The following NELL1 variants were observed in gnomAD, a reference collection of about 807,000 sequenced individuals.
NELL1 encodes protein kinase C-binding protein NELL1.
NELL1 carries 76 observed loss-of-function variants against 107.4 expected under a neutral mutation model. The observed-to-expected ratio is 0.71, with a 90% CI of 0.59 to 0.86. The LOEUF (loss-of-function observed/expected upper bound fraction) is 0.86. NELL1 is among the 40% of genes least tolerant of loss of function. NELL1 has a pLI of 0.00. For missense variants in NELL1, 1,024 were observed against 1,005.5 expected (o/e 1.02, Z -0.25); for synonymous variants, 353 against 341.2 (o/e 1.03, Z -0.38).
chr11:20,993,329 A>G (rs1242659397), intron 12 of NELL1, among the ~76,000 whole-genome samples: 2 of 152,188 alleles, frequency 1.3e-5, no homozygotes, highest in East Asian at 1.9e-4. Context: ...TACTATAACT[A>G]GTTTATCACT....
chr11:20,701,648 C>T (rs892216343), intron 2 of NELL1, among the ~76,000 whole-genome samples: 12 of 152,220 alleles, frequency 7.9e-5, no homozygotes, highest in South Asian at 2.1e-4. Flanking sequence ...TTAGGTCTAA[C>T]ATTTAAGTCT....
At chr11:21,265,838 G>A (rs1171491276) in intron 14 of NELL1, among the ~76,000 whole-genome samples, 1 of 151,940 alleles carries the variant, frequency 6.6e-6, no homozygotes, top group African/African-American at 2.4e-5. Context: ...TTTAATGTCT[G>A]TGTACCACGC....
At chr11:20,993,876 G>T (rs1374706972) in intron 12 of NELL1, among the ~76,000 whole-genome samples, 5 of 136,974 alleles carry the variant, frequency 3.7e-5, no homozygotes, top group Non-Finnish European at 6.2e-5. Context: ...AGAGCTGACT[G>T]CATTGTCTTT....
At chr11:20,841,106 T>G (rs1212937049) in intron 3 of NELL1, among the ~76,000 whole-genome samples, 2 of 152,196 alleles carry the variant, frequency 1.3e-5, no homozygotes, top group Non-Finnish European at 2.9e-5. Context: ...AAAAGTTTAT[T>G]TTTGTTTACT....
chr11:21,518,747 A>T (rs1295640639), intron 15 of NELL1, among the ~76,000 whole-genome samples: 5 of 152,188 alleles, frequency 3.3e-5, no homozygotes, highest in African/African-American at 1.2e-4. Flanking sequence ...TTTTGTATTC[A>T]GAGAAAAGCA....
rs528812308 is a variant in NELL1, at chr11:21,516,822, T to G, written c.1646-17552T>G. ...TTTGGCATTGGTATTTTTTTTTTTT[T>G]GAGACGGAGTCTCGCTCTGTTGCCC... On this transcript the variant is annotated intron_variant, in intron 15 of 19. Transcript: ENST00000357134. Among the ~76,000 whole-genome samples the G allele has an allele frequency of 4.2e-4, 63 of 149,304 alleles. 1 individual carries two copies. In the South Asian group the frequency reaches 0.013, roughly 31 times the overall value.
At chr11:21,426,644 C>T (rs1333701503) in intron 15 of NELL1, among the ~76,000 whole-genome samples, 1 of 152,186 alleles carries the variant, frequency 6.6e-6, no homozygotes, top group Non-Finnish European at 1.5e-5. Flanking sequence ...GTTGATTCTA[C>T]AGCTGAATCA....
intron 15 of NELL1, among the ~76,000 whole-genome samples, chr11:21,387,963 G>A (rs1851784901): frequency 6.6e-6 from 1 of 151,666 alleles, no homozygotes; most frequent in African/African-American, 2.4e-5. Flanking sequence ...TCATCATCCT[G>A]ATTTTACAGA....
intron 2 of NELL1, among the ~76,000 whole-genome samples, chr11:20,754,899 T>C (rs1390032784): frequency 3.3e-5 from 5 of 152,214 alleles, no homozygotes; most frequent in Admixed American, 1.3e-4. Flanking sequence ...GTGGATTTGA[T>C]TGTCTTTTAG....
chr11:20,782,784 C>T (rs963853873), intron 2 of NELL1, among the ~76,000 whole-genome samples: 1 of 152,212 alleles, frequency 6.6e-6, no homozygotes, highest in Non-Finnish European at 1.5e-5. Context: ...TCTTCTCTAA[C>T]TTTGCTCCCT....
intron 13 of NELL1, among the ~76,000 whole-genome samples, chr11:21,124,838 T>C (rs891332281): frequency 1.3e-5 from 2 of 151,954 alleles, no homozygotes; most frequent in Non-Finnish European, 2.9e-5. Flanking sequence ...CAACCTCAGG[T>C]GATCTGCCTG....
rs529721239 is a variant in NELL1, at chr11:21,386,482, A to G, written c.1645+15534A>G. ...TCCATAGACAAAGCTGCAGGCTTTC[A>G]TAGAACATTCCTGATCAGATAAGCA... is the stretch of plus-strand genomic sequence containing the variant. On this transcript the variant is annotated intron_variant, in intron 15 of 19. Coordinates refer to ENST00000357134, the MANE Select transcript of NELL1 (RefSeq NM_006157.5). 7.9e-5 allele frequency among the ~76,000 whole-genome samples: 12 copies of G among 152,044 alleles called. No individual in the cohort carries two copies. The South Asian group carries it at 1.2e-3, about 16-fold the overall frequency.
At chr11:20,745,149 G>A (rs1194100207) in intron 2 of NELL1, among the ~76,000 whole-genome samples, 2 of 152,144 alleles carry the variant, frequency 1.3e-5, no homozygotes, top group African/African-American at 4.8e-5. Context: ...TTGAACGACA[G>A]GATGTTATCT....
At chr11:20,695,892 T>G (rs537423373) in intron 2 of NELL1, among the ~76,000 whole-genome samples, 1 of 148,274 alleles carries the variant, frequency 6.7e-6, no homozygotes, top group Non-Finnish European at 1.5e-5. Context: ...TGGCTGTGAA[T>G]CCATCTGGCC....
intron 15 of NELL1, among the ~76,000 whole-genome samples, chr11:21,376,603 G>A (rs1851486864): frequency 1.3e-5 from 2 of 152,008 alleles, no homozygotes; most frequent in South Asian, 2.1e-4. Flanking sequence ...TCAGCAGTTT[G>A]ATAGGAAAAA....
chr11:21,196,869 CTTTCT>C (rs1196829609), intron 13 of NELL1, among the ~76,000 whole-genome samples: 7 of 148,794 alleles, frequency 4.7e-5, no homozygotes, highest in African/African-American at 1.7e-4. Context: ...AATTCTTTTT[CTTTCT>C]TTTCTTTTCT....
At chr11:21,442,832 G>C (rs1853318167) in intron 15 of NELL1, among the ~76,000 whole-genome samples, 1 of 150,960 alleles carries the variant, frequency 6.6e-6, no homozygotes, top group South Asian at 2.1e-4. Flanking sequence ...GGCCAAAAGT[G>C]TAAACACAAT....
intron 5 of NELL1, among the ~76,000 whole-genome samples, chr11:20,887,003 A>G (rs1849522828): frequency 6.6e-6 from 1 of 152,130 alleles, no homozygotes; most frequent in Admixed American, 6.5e-5. Context: ...CTTTGTATTA[A>G]ACCCTTCTCC....
rs1052665299 is a variant in NELL1, at chr11:20,787,975, A to T, written c.335+4145A>T. Among the ~76,000 whole-genome samples, 40 of 152,088 alleles carry T rather than the reference A, an allele frequency of 2.6e-4. 1 individual carries two copies. Among genetic ancestry groups the T allele is most frequent in the Admixed American group, 2.4e-3 (36 of 15,274 alleles). On this transcript the variant is annotated intron_variant, in intron 3 of 19. Transcript: ENST00000357134. ...ATCATACACTGTGTATCCCTTTTTG[A>T]CTGGCTTCTCTAACTTAGAATAATG...
Sources: gnomAD v4.1 joint callset for allele counts (sites outside exome capture counted in the v4.1 genomes callset) on GRCh38, gnomAD v4.1.1 for gene constraint, MANE v1.5 for transcripts, NCBI Gene and HGNC (gene_info 2026-07-23, HGNC 2026-07-21) for gene names.